Variants in RNF38 observed in about 807,000 individuals in gnomAD.
RNF38 encodes E3 ubiquitin-protein ligase RNF38.
RNF38 carries 15 observed loss-of-function variants against 67.2 expected under a neutral mutation model. The ratio of observed to expected loss-of-function variants is 0.22; its 90% CI spans 0.15 to 0.34. The LOEUF is 0.34. Ranked by LOEUF, RNF38 falls within the 10% of genes least tolerant of loss-of-function variation. The pLI is 1.00. For synonymous variants in RNF38, 220 were observed against 218.8 expected, an observed-to-expected ratio of 1.01 and a Z score of -0.05; for missense variants, 524 against 639.9, an observed-to-expected ratio of 0.82 and a Z score of 1.95.
intron 1 of RNF38, among the ~76,000 whole-genome samples, chr9:36,453,327 G>T (rs1839504861): frequency 6.6e-6 from 1 of 151,758 alleles, no homozygotes; most frequent in Non-Finnish European, 1.5e-5. Context: ...CAATCTTGCT[G>T]CCTCAGCTTC....
chr9:36,413,159 G>C (rs1046761650), intron 2 of RNF38, among the ~76,000 whole-genome samples: 5 of 151,708 alleles, frequency 3.3e-5, no homozygotes, highest in Non-Finnish European at 4.4e-5. Flanking sequence ...AACCTGGGGG[G>C]GCAGAAGTTG....
At chr9:36,394,622 C>T (rs1837386792) in intron 1 of RNF38, among the ~76,000 whole-genome samples, 1 of 152,208 alleles carries the variant, frequency 6.6e-6, no homozygotes, top group South Asian at 2.1e-4. Flanking sequence ...ACTGGGCTCT[C>T]CCATCTTTAT....
upstream of RNF38, among the ~76,000 whole-genome samples, chr9:36,401,961 T>G (rs1444770900): frequency 6.6e-6 from 1 of 152,118 alleles, no homozygotes; most frequent in Non-Finnish European, 1.5e-5. Flanking sequence ...GAAATCAGAG[T>G]AAATGTTGTT....
chr9:36,385,168 G>A (rs1326075672), intron 2 of RNF38, among the ~76,000 whole-genome samples: 4 of 152,026 alleles, frequency 2.6e-5, no homozygotes, highest in East Asian at 1.9e-4. Context: ...TCGTTTTGAA[G>A]TATCATCTTC....
intron 9 of RNF38, among the ~76,000 whole-genome samples, chr9:36,349,608 C>G (rs1833545256): frequency 1.3e-5 from 2 of 152,120 alleles, no homozygotes; most frequent in Admixed American, 1.3e-4. Context: ...TTTTGCGGTA[C>G]AGAAGCCTTT....
chr9:36,457,561 G>C (rs1485468567), intron 1 of RNF38, among the ~76,000 whole-genome samples: 2 of 152,158 alleles, frequency 1.3e-5, no homozygotes, highest in Non-Finnish European at 2.9e-5. Context: ...CAAACTTTAC[G>C]GTTGAAGATA....
chr9:36,456,090 GAC>G (rs1839589416), intron 1 of RNF38, among the ~76,000 whole-genome samples: 1 of 151,578 alleles, frequency 6.6e-6, no homozygotes, highest in Non-Finnish European at 1.5e-5. Context: ...TTTTTTTTGA[GAC>G]AGAGTCTCGT....
intron 1 of RNF38, among the ~76,000 whole-genome samples, chr9:36,451,026 C>A (rs560666312): frequency 6.6e-6 from 1 of 152,148 alleles, no homozygotes; most frequent in African/African-American, 2.4e-5. Context: ...TACTTAAATA[C>A]GACTGAACCT....
At chr9:36,454,580 CTTT>C (rs377679133) in intron 1 of RNF38, among the ~76,000 whole-genome samples, 32 of 112,450 alleles carry the variant, frequency 2.8e-4, no homozygotes, top group African/African-American at 9.5e-4. Context: ...CATTAATTTA[CTTT>C]TTTTTTTTTT....
chr9:36,340,274 T>C (rs1189246616), intron 11 of RNF38, among the ~76,000 whole-genome samples: 2 of 152,166 alleles, frequency 1.3e-5, no homozygotes, highest in African/African-American at 2.4e-5. Context: ...CCACTGCGCC[T>C]GGCCGCCATG....
intron 1 of RNF38, among the ~76,000 whole-genome samples, chr9:36,452,828 C>T (rs988586201): frequency 1.2e-4 from 18 of 152,094 alleles, no homozygotes; most frequent in South Asian, 4.1e-4. Context: ...CCACTGCACC[C>T]GGCCAAAACC....
At chr9:36,340,042 C>T (rs564826986) in intron 11 of RNF38, among the ~76,000 whole-genome samples, 10 of 152,088 alleles carry the variant, frequency 6.6e-5, no homozygotes, top group East Asian at 1.9e-4. Context: ...TGCAATGGCA[C>T]GATCTCAACT....
chr9:36,396,469 G>A (rs532155674), intron 1 of RNF38, among the ~76,000 whole-genome samples: 10 of 152,054 alleles, frequency 6.6e-5, no homozygotes, highest in Middle Eastern at 3.4e-3. Flanking sequence ...TTTCCTTTGA[G>A]AAGAGTTCTA....
At chr9:36,342,013 T>C (rs887542231) in intron 11 of RNF38, among the ~76,000 whole-genome samples, 2 of 152,124 alleles carry the variant, frequency 1.3e-5, no homozygotes, top group Non-Finnish European at 2.9e-5. Context: ...CCTCTGAAAA[T>C]AGAGCTATAA....
At chr9:36,458,265 T>G (rs1839639783) in intron 1 of RNF38, among the ~76,000 whole-genome samples, 1 of 152,080 alleles carries the variant, frequency 6.6e-6, no homozygotes, top group Non-Finnish European at 1.5e-5. Flanking sequence ...AGCACACCAA[T>G]CAGCACTCTG....
At chr9:36,480,548 CTTTTTTTTTT>C (rs3072687) in intron 1 of RNF38, among the ~76,000 whole-genome samples, 1 of 100,822 alleles carries the variant, frequency 9.9e-6, no homozygotes, top group African/African-American at 3.8e-5. Flanking sequence ...TTTTCTTTTT[CTTTTTTTTTT>C]TTTTTTTTTT....
chr9:36,375,005 T>C (rs1835682583), intron 3 of RNF38, among the ~76,000 whole-genome samples: 1 of 152,140 alleles, frequency 6.6e-6, no homozygotes, highest in Non-Finnish European at 1.5e-5. Context: ...ACATCCTGGA[T>C]ATGCACCTCA....
chr9:36,481,625 C>A (rs1840271872), intron 1 of RNF38, among the ~76,000 whole-genome samples: 1 of 152,012 alleles, frequency 6.6e-6, no homozygotes, highest in Non-Finnish European at 1.5e-5. Flanking sequence ...CCTATCCCAC[C>A]ACCCTCAATC....
chr9:36,367,633 CTTTTA>C (rs773392116), intron 4 of RNF38, among the ~76,000 whole-genome samples: 7 of 151,824 alleles, frequency 4.6e-5, no homozygotes, highest in Non-Finnish European at 8.8e-5. Flanking sequence ...ACAGCTTATT[CTTTTA>C]ATACACCACT....
Sources: gnomAD v4.1 joint callset for allele counts (sites outside exome capture counted in the v4.1 genomes callset) on GRCh38, gnomAD v4.1.1 for gene constraint, MANE v1.5 for transcripts, NCBI Gene and HGNC (gene_info 2026-07-23, HGNC 2026-07-21) for gene names.